Variants in CCSER1 observed in about 807,000 individuals in gnomAD.
The protein encoded by CCSER1 is coiled-coil serine rich protein 1.
A neutral mutation model predicts 82.0 loss-of-function variants in CCSER1; 41 were observed. The ratio of observed to expected loss-of-function variants is 0.50; its 90% confidence interval spans 0.39 to 0.65. CCSER1 has a LOEUF of 0.65. Among genes scored for constraint, CCSER1 ranks in the 30% least tolerant of loss-of-function variants. The pLI is 0.00. For synonymous variants in CCSER1, 414 were observed against 383.9 expected, an observed-to-expected ratio of 1.08 and a Z score of -0.92; for missense variants, 1,119 against 1,064.2, an observed-to-expected ratio of 1.05 and a Z score of -0.72.
chr4:91,061,530 TA>T (rs1743953960), intron 9 of CCSER1, among the ~76,000 whole-genome samples: 1 of 151,930 alleles, frequency 6.6e-6, no homozygotes, highest in Non-Finnish European at 1.5e-5. Context: ...GTGTTGTTTT[TA>T]TTTTATTTTA....
At chr4:90,260,567 A>G (rs1724133590) in intron 1 of CCSER1, among the ~76,000 whole-genome samples, 1 of 152,170 alleles carries the variant, frequency 6.6e-6, no homozygotes, top group Non-Finnish European at 1.5e-5. Flanking sequence ...TGACATAAGA[A>G]TAGCTACTCC....
intron 10 of CCSER1, among the ~76,000 whole-genome samples, chr4:91,513,993 G>C (rs1206452655): frequency 6.6e-6 from 1 of 151,706 alleles, no homozygotes; most frequent in African/African-American, 2.4e-5. Context: ...ATTTTCTTCT[G>C]CTGGCTTTGT....
chr4:91,564,633 C>A (rs912186912), intron 10 of CCSER1, among the ~76,000 whole-genome samples: 1 of 151,948 alleles, frequency 6.6e-6, no homozygotes, highest in Non-Finnish European at 1.5e-5. Context: ...ATTTGCATTT[C>A]TCTAATCAGT....
At chr4:91,220,039 A>C (rs1162470141) in intron 10 of CCSER1, among the ~76,000 whole-genome samples, 2 of 152,154 alleles carry the variant, frequency 1.3e-5, no homozygotes, top group African/African-American at 4.8e-5. Flanking sequence ...AGAATGGGAG[A>C]TCCACAGTTT....
chr4:90,989,695 C>T (rs1331878937), intron 9 of CCSER1, among the ~76,000 whole-genome samples: 3 of 151,736 alleles, frequency 2.0e-5, no homozygotes, highest in Non-Finnish European at 4.4e-5. Flanking sequence ...AGATGTTTCC[C>T]ATTCTGAAAT....
At chr4:90,993,796 C>T (rs1489599434) in intron 9 of CCSER1, among the ~76,000 whole-genome samples, 3 of 152,050 alleles carry the variant, frequency 2.0e-5, no homozygotes, top group African/African-American at 7.2e-5. Context: ...CCCTTCCAAA[C>T]ACTACCATAT....
At chr4:91,278,547 C>G (rs1041388033) in intron 10 of CCSER1, among the ~76,000 whole-genome samples, 7 of 151,948 alleles carry the variant, frequency 4.6e-5, no homozygotes, top group African/African-American at 1.7e-4. Flanking sequence ...TATTTTCTGT[C>G]TGTATGTGTC....
intron 10 of CCSER1, among the ~76,000 whole-genome samples, chr4:91,172,382 C>T (rs1272681887): frequency 6.6e-6 from 1 of 152,104 alleles, no homozygotes; most frequent in African/African-American, 2.4e-5. Flanking sequence ...GATGGAAAGG[C>T]ATTCTAGGAA....
rs574927659 is a variant in CCSER1, at chr4:90,766,376, G to A, written c.2010+42385G>A. Among the ~76,000 whole-genome samples, 5 of 152,168 alleles carry A rather than the reference G, an allele frequency of 3.3e-5. No individual in the cohort carries two copies. The East Asian group carries it at 9.7e-4, about 29-fold the overall frequency. ...GATCACGCCTACTAAGTAACACCAGGTGCAACTAAATAAAGAGAAGTAAAA... is the reference window on the plus strand; with the variant it reads ...GATCACGCCTACTAAGTAACACCAGATGCAACTAAATAAAGAGAAGTAAAA... On this transcript the variant is annotated intron_variant, in intron 7 of 10. Transcript: ENST00000509176.
At chr4:91,500,726 G>GA (rs758518974) in intron 10 of CCSER1, among the ~76,000 whole-genome samples, 1 of 151,896 alleles carries the variant, frequency 6.6e-6, no homozygotes, top group Non-Finnish European at 1.5e-5. Flanking sequence ...TTTTCCACAT[G>GA]AAAAATGTAG....
intron 5 of CCSER1, among the ~76,000 whole-genome samples, chr4:90,504,332 A>T (rs1458520700): frequency 1.3e-5 from 2 of 152,244 alleles, no homozygotes; most frequent in Admixed American, 6.5e-5. Flanking sequence ...TAACATAATG[A>T]AATGTACATA....
At chr4:90,604,846 C>T (rs1372703281) in intron 5 of CCSER1, among the ~76,000 whole-genome samples, 3 of 152,198 alleles carry the variant, frequency 2.0e-5, no homozygotes, top group African/African-American at 7.2e-5. Flanking sequence ...TTTGTAAACA[C>T]ACCAATCAGC....
intron 7 of CCSER1, among the ~76,000 whole-genome samples, chr4:90,794,935 G>A (rs1469339512): frequency 1.3e-5 from 2 of 152,112 alleles, no homozygotes; most frequent in African/African-American, 4.8e-5. Flanking sequence ...TGTGGCAACT[G>A]TAAATTGGAT....
At chr4:91,291,300 A>G (rs1014697480) in intron 10 of CCSER1, among the ~76,000 whole-genome samples, 4 of 152,012 alleles carry the variant, frequency 2.6e-5, no homozygotes, top group African/African-American at 7.2e-5. Context: ...GATATCATGG[A>G]TTTTGAGGGT....
rs796748660 is a variant in CCSER1 at position 91,538,515 on chromosome 4, G to GA, written c.2218-60051dup. On this transcript the variant is annotated intron_variant, in intron 10 of 10. Coordinates refer to ENST00000509176, the MANE Select transcript of CCSER1 (RefSeq NM_001145065.2). ...TTGGAGAGGCTCTCTCTCAGGCTTA[G>GA]AAAAAATGAGGAAGCCATCAAAAAT... Among the ~76,000 whole-genome samples the GA allele has an allele frequency of 4.6e-5, 7 of 151,468 alleles. 1 individual carries two copies. The East Asian group carries it at 1.4e-3, about 29-fold the overall frequency.
chr4:90,817,966 C>T (rs935589085), intron 8 of CCSER1, among the ~76,000 whole-genome samples: 42 of 152,118 alleles, frequency 2.8e-4, no homozygotes, highest in African/African-American at 1.0e-3. Flanking sequence ...TTGAGTTATA[C>T]CCTACTATAT....
intron 1 of CCSER1, chr4:90,235,074 G>T (rs998468097): frequency 6.6e-6 from 1 of 152,184 alleles, no homozygotes; most frequent in South Asian, 2.1e-4. Context: ...GGTGCAGGGA[G>T]CTAATGTATA....
At chr4:90,409,094 G>C (rs1754238939) in intron 4 of CCSER1, among the ~76,000 whole-genome samples, 1 of 152,138 alleles carries the variant, frequency 6.6e-6, no homozygotes, top group Non-Finnish European at 1.5e-5. Context: ...AGAATAAAAA[G>C]AAACAAACAA....
At chr4:90,926,802 G>A (rs1729123182) in intron 9 of CCSER1, among the ~76,000 whole-genome samples, 2 of 152,120 alleles carry the variant, frequency 1.3e-5, no homozygotes, top group East Asian at 1.9e-4. Context: ...TGTCTGCACA[G>A]GCTTAGTTTA....
Sources: allele counts gnomAD v4.1 joint callset (sites outside exome capture counted in the v4.1 genomes callset), GRCh38; gene constraint gnomAD v4.1.1; transcripts MANE v1.5; gene names NCBI Gene and HGNC (gene_info 2026-07-23, HGNC 2026-07-21).